Variants in PKHD1 observed in about 807,000 individuals in gnomAD.
PKHD1 encodes the protein PKHD1 ciliary IPT domain containing fibrocystin/polyductin, also known as fibrocystin.
A neutral mutation model predicts 412.0 loss-of-function variants in PKHD1; 291 were observed. The ratio of observed to expected loss-of-function variants is 0.71; its 90% CI spans 0.64 to 0.78. PKHD1 has a LOEUF of 0.78. Among genes scored for constraint, PKHD1 ranks in the 30% least tolerant of loss-of-function variants. PKHD1 has a pLI of 0.00. For missense variants in PKHD1, 4,825 were observed against 4,950.7 expected, an observed-to-expected ratio of 0.97 and a Z score of 0.76; for synonymous variants, 1,777 against 1,821.5, an observed-to-expected ratio of 0.98 and a Z score of 0.62.
At chr6:51,784,246 G>A (rs1792502256) in intron 53 of PKHD1, among the ~76,000 whole-genome samples, 1 of 135,666 alleles carries the variant, frequency 7.4e-6, no homozygotes, top group Non-Finnish European at 1.6e-5. Flanking sequence ...CATATAGGTT[G>A]GTGCAAAAGT....
Position 51,768,662 on chromosome 6 carries a change from A to G in PKHD1, c.8642+4040T>C, listed in dbSNP as rs191037991. 9.4e-4 allele frequency among the ~76,000 whole-genome samples: 143 copies of G among 152,026 alleles called. 3 individuals are homozygous for G. Among genetic ancestry groups the G allele is most frequent in the Admixed American group, 7.5e-3 (114 of 15,244 alleles). ...AGTTTGGATTATTTTCAATAATTGG[A>G]TCTAATGTATTTTTCTTGCCTGAAT... is the stretch of plus-strand genomic sequence containing the variant. On this transcript the variant is annotated intron_variant, in intron 55 of 66. Transcript: ENST00000371117.
At chr6:51,754,760 T>C (rs1180029469) in intron 56 of PKHD1, 24 bp downstream of exon 56, 2 of 1,610,250 alleles carry the variant, frequency 1.2e-6, no homozygotes, top group Non-Finnish European at 1.7e-6. Context: ...TTCACTTACC[T>C]TAACCAACAA....
In PKHD1 at chr6:52,046,136, A is replaced by G; in HGVS notation, c.2460T>C (p.Asn820=). The G allele has an allele frequency of 6.2e-7, 1 of 1,613,778 alleles. No homozygotes were observed. The stretch of plus-strand genomic sequence containing the variant: ...GGTACCTGGATGTGAAGTCATCGGC[A>G]TTATTCTGTAAGAGCTGGTGAAGGT... ...AHHLHQLLQN[N]ADDFTSRYLN... Residue 820 remains asparagine, a synonymous_variant, in exon 24 of 67, where the codon AAT becomes AAC. Transcript: ENST00000371117.
At chr6:52,049,061 A>G (rs892346614) in intron 22 of PKHD1, among the ~76,000 whole-genome samples, 1 of 152,224 alleles carries the variant, frequency 6.6e-6, no homozygotes, top group Non-Finnish European at 1.5e-5. Flanking sequence ...CATATGAGAA[A>G]AAGATGAGAG....
intron 60 of PKHD1, among the ~76,000 whole-genome samples, chr6:51,694,925 G>A (rs1379657400): frequency 8.0e-6 from 1 of 125,062 alleles, no homozygotes; most frequent in Non-Finnish European, 1.7e-5. Context: ...TGATATTATG[G>A]TTTCTTCCAA....
At chr6:51,928,109 C>T (rs987448397) in intron 37 of PKHD1, among the ~76,000 whole-genome samples, 8 of 152,256 alleles carry the variant, frequency 5.3e-5, no homozygotes, top group African/African-American at 1.9e-4. Flanking sequence ...CCCATACTGA[C>T]AATATGAAAT....
At chr6:51,630,481 C>A (rs1296520789) in intron 65 of PKHD1, among the ~76,000 whole-genome samples, 2 of 152,076 alleles carry the variant, frequency 1.3e-5, no homozygotes, top group Non-Finnish European at 2.9e-5. Flanking sequence ...ACATGCAATG[C>A]ATGTATTATT....
chr6:51,723,561 T>C (rs1173507666), intron 60 of PKHD1, among the ~76,000 whole-genome samples: 1 of 152,270 alleles, frequency 6.6e-6, no homozygotes, highest in South Asian at 2.1e-4. Context: ...AAATGAATTA[T>C]TGAAAATTTC....
At chr6:51,975,238 C>T (rs932780595) in intron 35 of PKHD1, among the ~76,000 whole-genome samples, 4 of 151,848 alleles carry the variant, frequency 2.6e-5, no homozygotes, top group African/African-American at 9.7e-5. Context: ...TTGTATTTGA[C>T]AATGATTTCT....
At chr6:51,902,424 C>G (rs1781433322) in intron 43 of PKHD1, among the ~76,000 whole-genome samples, 1 of 152,080 alleles carries the variant, frequency 6.6e-6, no homozygotes, top group Non-Finnish European at 1.5e-5. Flanking sequence ...AGTTCTGCTT[C>G]CTTTGCTTAC....
chr6:51,626,925 GA>G, intron 66 of PKHD1, 71 bp downstream of exon 66: 1 of 1,533,372 alleles, frequency 6.5e-7, no homozygotes, highest in Non-Finnish European at 9.0e-7. Flanking sequence ...AGACAGAGCT[GA>G]AGGAGAGGGA....
chr6:52,026,683 T>A (rs1360225609), intron 31 of PKHD1, among the ~76,000 whole-genome samples: 1 of 152,216 alleles, frequency 6.6e-6, no homozygotes, highest in Non-Finnish European at 1.5e-5. Context: ...TTATACATTC[T>A]AATATATTCT....
chr6:52,033,168 GA>G lies in PKHD1; in HGVS notation c.3229-4del. The G allele has an allele frequency of 6.2e-7, 1 of 1,611,244 alleles. No homozygotes were observed. Among genetic ancestry groups the G allele is most frequent in the South Asian group, 1.1e-5 (1 of 91,006 alleles). On this transcript the variant is annotated splice_region_variant and splice_polypyrimidine_tract_variant and intron_variant, in intron 28 of 66. Transcript: ENST00000371117. ...TTCACAATGCGTCCATCTTTCCCCT[GA>G]AAAATCAATTTTAAAAATTAAACCT...
intron 55 of PKHD1, among the ~76,000 whole-genome samples, chr6:51,766,027 A>G (rs1036803333): frequency 6.6e-6 from 1 of 152,040 alleles, no homozygotes; most frequent in Non-Finnish European, 1.5e-5. Flanking sequence ...TCAGAATCCT[A>G]CATAACCCGC....
rs535640954 is a variant in PKHD1, at chr6:51,776,794, C to T, written c.8441-873G>A. 7.2e-5 allele frequency among the ~76,000 whole-genome samples: 11 copies of T among 152,100 alleles called. No individual in the cohort carries two copies. The South Asian group carries it at 2.3e-3, about 32-fold the overall frequency. Reference sequence around the variant, plus strand: ...TTAGCAGCATAAAGACTCATAAAGACATAAGGCTATGATACTCAGACAGCA... The same window carrying T: ...TTAGCAGCATAAAGACTCATAAAGATATAAGGCTATGATACTCAGACAGCA... On this transcript the variant is annotated intron_variant, in intron 53 of 66. Transcript: ENST00000371117.
At chr6:51,673,958 T>A (rs1426634039) in intron 60 of PKHD1, among the ~76,000 whole-genome samples, 1 of 152,148 alleles carries the variant, frequency 6.6e-6, no homozygotes, top group East Asian at 1.9e-4. Context: ...GAGTAAAAGG[T>A]TGGGTGAGCT....
chr6:51,952,754 A>C (rs1561970768), intron 36 of PKHD1, among the ~76,000 whole-genome samples: 1 of 152,100 alleles, frequency 6.6e-6, no homozygotes, highest in Non-Finnish European at 1.5e-5. Context: ...ACTTCAAAAA[A>C]ACTCGGGCTA....
Position 51,885,902 on chromosome 6 carries a change from T to C in PKHD1, c.7180A>G (p.Ser2394Gly), listed in dbSNP as rs1245603438. 75 of 1,613,104 alleles carry C rather than the reference T, an allele frequency of 4.6e-5. No homozygotes were observed. The highest frequency in any genetic ancestry group is 6.2e-5 in the Non-Finnish European group (73 of 1,179,374). Residue 2394 changes from serine to glycine, a missense_variant, in exon 45 of 67, where the codon AGC becomes GGC. Ser to Gly is a moderately conservative substitution (Grantham distance 56). Coordinates refer to ENST00000371117, the MANE Select transcript of PKHD1 (RefSeq NM_138694.4). ...DNVTGTTLFQSFTVWESAGGA... is the reference protein window; with the variant it reads ...DNVTGTTLFQGFTVWESAGGA... Reference sequence around the variant, plus strand: ...CCTGCACTTTCCCAAACTGTGAAGCTCTGGAACAGAGTGGTGCCAGTGACA... The same window carrying C: ...CCTGCACTTTCCCAAACTGTGAAGCCCTGGAACAGAGTGGTGCCAGTGACA...
intron 61 of PKHD1, 36 bp downstream of exon 61, chr6:51,658,915 CA>C: frequency 7.2e-7 from 1 of 1,390,758 alleles, no homozygotes; most frequent in South Asian, 1.2e-5. Context: ...CCTAAAAAAT[CA>C]GCCCTCATTT....
Sources: allele counts gnomAD v4.1 joint callset (sites outside exome capture counted in the v4.1 genomes callset), GRCh38; gene constraint gnomAD v4.1.1; transcripts MANE v1.5; gene names NCBI Gene and HGNC (gene_info 2026-07-23, HGNC 2026-07-21).